The following SLC9B2 variants were observed in gnomAD, a reference collection of about 807,000 sequenced individuals.
SLC9B2 encodes the protein solute carrier family 9 member B2.
Under a neutral mutation model 52.2 loss-of-function variants are expected in SLC9B2, and 39 were observed. That is an observed-to-expected ratio of 0.75 (90% CI 0.58 to 0.98). The LOEUF is 0.98. Ranked by LOEUF, SLC9B2 falls within the 50% of genes least tolerant of loss-of-function variation. The pLI is 0.00. For synonymous variants in SLC9B2, 214 were observed against 227.0 expected (o/e 0.94, Z 0.51); for missense variants, 626 against 637.5 (o/e 0.98, Z 0.19).
rs1746270997 is a variant in SLC9B2, at chr4:103,067,700, AT to A, written c.-42-109del. ...CCTAAAAATTCCGAATGGCTAAACT[AT>A]TTGAAATTAGACTATTCTTAATTTT... On this transcript the variant is annotated intron_variant, in intron 1 of 11. Coordinates refer to ENST00000394785, the MANE Select transcript of SLC9B2 (RefSeq NM_178833.7). 4 of 642,804 alleles carry A rather than the reference AT, an allele frequency of 6.2e-6. No individual in the cohort carries two copies. In the South Asian group the frequency reaches 7.2e-5, roughly 12 times the overall value. The allele number at this position is 642,804 out of a possible 1,614,324, so 39.8% of individuals were successfully genotyped here.
downstream of SLC9B2, chr4:103,020,041 C>A: frequency 1.9e-6 from 1 of 517,752 alleles, no homozygotes; most frequent in Non-Finnish European, 2.5e-6. Context: ...ACGGTCTCTC[C>A]CCAAGACGGC....
intron 1 of SLC9B2, among the ~76,000 whole-genome samples, chr4:103,070,437 T>C (rs561311457): frequency 1.3e-5 from 2 of 152,220 alleles, no homozygotes; most frequent in South Asian, 2.1e-4. Flanking sequence ...CTTATTTTGT[T>C]TTGTTTGTTT....
rs765036978 is a variant in SLC9B2, at chr4:103,026,368, C to T, written c.*2G>A. On this transcript the variant is annotated 3_prime_UTR_variant, in exon 12 of 12. Transcript: ENST00000394785. ...TATGTTCAGCACTCTCTCTTTTCAC[C>T]TCTAAACTTGCACAGAAGTCTCTCC... 1.2e-6 allele frequency: 2 copies of T among 1,606,378 alleles called. No homozygotes were observed. The highest frequency in any genetic ancestry group is 1.7e-6 in the Non-Finnish European group (2 of 1,175,748).
intron 1 of SLC9B2, among the ~76,000 whole-genome samples, chr4:103,071,776 G>T (rs1746659987): frequency 6.6e-6 from 1 of 152,086 alleles, no homozygotes; most frequent in Non-Finnish European, 1.5e-5. Flanking sequence ...CTCCTAAAGT[G>T]CTGGGATTAG....
chr4:103,043,413 C>T lies in SLC9B2; in HGVS notation c.1029G>A (p.Val343=), dbSNP rs761753771. The change falls in exon 9 of 12, where the codon GTG becomes GTA. Residue 343 remains valine (V), a synonymous_variant. Transcript: ENST00000394785. ...ACACAGCTAGCACAGACAACCCCAA[C>T]ACAAGGAATGTTCTCTTACACACAA... ...DKLVCKRTFL[V]LGLSVLAVFS... 3.7e-6 allele frequency: 6 copies of T among 1,612,076 alleles called. No homozygotes were observed. The highest frequency in any genetic ancestry group is 1.1e-5 in the South Asian group (1 of 90,634).
chr4:103,069,058 A>G (rs1484063036), intron 1 of SLC9B2, among the ~76,000 whole-genome samples: 1 of 152,212 alleles, frequency 6.6e-6, no homozygotes, highest in African/African-American at 2.4e-5. Context: ...AATTTGTAAT[A>G]AATGTTTATA....
chr4:103,051,064 C>G (rs1744634173), intron 4 of SLC9B2, among the ~76,000 whole-genome samples: 1 of 151,884 alleles, frequency 6.6e-6, no homozygotes, highest in South Asian at 2.1e-4. Context: ...GGGGATGTTA[C>G]ATGAGCTGAG....
At chr4:103,066,822 T>C (rs987449174) in intron 2 of SLC9B2, among the ~76,000 whole-genome samples, 1 of 152,146 alleles carries the variant, frequency 6.6e-6, no homozygotes, top group Non-Finnish European at 1.5e-5. Context: ...ACACCTAAAG[T>C]CACATGACAG....
chr4:103,052,036 T>A (rs1402096757), intron 4 of SLC9B2, among the ~76,000 whole-genome samples: 1 of 152,236 alleles, frequency 6.6e-6, no homozygotes, highest in Admixed American at 6.5e-5. Flanking sequence ...AGTATTTAAG[T>A]GCCTGCTACA....
chr4:103,062,380 T>C (rs936427096), intron 3 of SLC9B2, among the ~76,000 whole-genome samples: 4 of 151,204 alleles, frequency 2.6e-5, no homozygotes, highest in African/African-American at 7.3e-5. Context: ...GATCGAGCCA[T>C]TGCACTCCAG....
rs567359997 is a variant in SLC9B2, at chr4:103,023,985, C to T, written c.*2385G>A. On this transcript the variant is annotated 3_prime_UTR_variant, in exon 12 of 12. Coordinates refer to ENST00000394785, the MANE Select transcript of SLC9B2 (RefSeq NM_178833.7). ...TTTGGTCTTACATCCCTTTTGCTGGCTAAGTCCTAATCTTCCCTCAGCCAA... is the reference window on the plus strand; with the variant it reads ...TTTGGTCTTACATCCCTTTTGCTGGTTAAGTCCTAATCTTCCCTCAGCCAA... 2.6e-5 allele frequency among the ~76,000 whole-genome samples: 4 copies of T among 152,288 alleles called. No individual in the cohort carries two copies. The East Asian group carries it at 7.7e-4, about 29-fold the overall frequency.
chr4:103,058,446 GGAGTGC>G (rs908953989), intron 3 of SLC9B2, among the ~76,000 whole-genome samples: 6 of 152,170 alleles, frequency 3.9e-5, no homozygotes, highest in Admixed American at 2.6e-4. Flanking sequence ...AGCCCAGGCT[GGAGTGC>G]AGTAGCACAA....
chr4:103,026,721 A>C (rs1742251523), intron 11 of SLC9B2, 130 bp from the exon 12 acceptor site: 1 of 743,622 alleles, frequency 1.3e-6, no homozygotes, highest in Non-Finnish European at 2.1e-6. Flanking sequence ...AAGCATCAGG[A>C]GATATACCTA....
At chr4:103,035,488 G>A (rs1408816537) in intron 9 of SLC9B2, among the ~76,000 whole-genome samples, 1 of 151,820 alleles carries the variant, frequency 6.6e-6, no homozygotes, top group Non-Finnish European at 1.5e-5. Flanking sequence ...TATTCCTTTG[G>A]GTATATACCC....
chr4:103,019,793 C>CGA (rs1741663209), downstream of SLC9B2: 2 of 985,446 alleles, frequency 2.0e-6, no homozygotes, highest in South Asian at 9.4e-5. Context: ...CCGGCAGAGG[C>CGA]GAGGGTTCTG....
chr4:103,021,887 T>G (rs1249430409), downstream of SLC9B2, among the ~76,000 whole-genome samples: 3 of 152,192 alleles, frequency 2.0e-5, no homozygotes, highest in Non-Finnish European at 4.4e-5. Context: ...TTCACCTTAC[T>G]CCCTAATATT....
Position 103,050,278 on chromosome 4 carries a change from T to C in SLC9B2, c.547A>G (p.Ile183Val), listed in dbSNP as rs904575017. Residue 183 changes from isoleucine (I) to valine (V), a missense_variant, in exon 5 of 12, where the codon ATC (isoleucine) becomes GTC (valine). Physicochemically the swap from Ile to Val is conservative, Grantham distance 29. Coordinates refer to ENST00000394785, the MANE Select transcript of SLC9B2 (RefSeq NM_178833.7). ...CCAAGGCCAGCACGAACCAGAATGATAGACAGGGCTATGCTTCTCAAAGAG... is the reference window on the plus strand; with the variant it reads ...CCAAGGCCAGCACGAACCAGAATGACAGACAGGGCTATGCTTCTCAAAGAG... ...SSSLRSIALS[I>V]ILVRAGLGLD... 38 of 1,606,110 alleles carry C rather than the reference T, an allele frequency of 2.4e-5. No homozygotes were observed. Among genetic ancestry groups the C allele is most frequent in the Middle Eastern group, 1.6e-4 (1 of 6,064 alleles).
Position 103,028,730 on chromosome 4 carries a change from C to A in SLC9B2, c.1392+17G>T, listed in dbSNP as rs760064838. 2 of 1,590,776 alleles carry A rather than the reference C, an allele frequency of 1.3e-6. No homozygotes were observed. Among genetic ancestry groups the A allele is most frequent in the Non-Finnish European group, 1.7e-6 (2 of 1,172,534 alleles). ...AGAAATAGCAGTTAAAATGCTAAGCCATCCTATCCATCATACCTGAACTGT... is the reference window on the plus strand; with the variant it reads ...AGAAATAGCAGTTAAAATGCTAAGCAATCCTATCCATCATACCTGAACTGT... On this transcript the variant is annotated intron_variant, in intron 11 of 11. Transcript: ENST00000394785.
intron 6 of SLC9B2, among the ~76,000 whole-genome samples, chr4:103,048,334 G>A (rs889992684): frequency 3.9e-5 from 6 of 152,114 alleles, no homozygotes; most frequent in Non-Finnish European, 5.9e-5. Context: ...ATCACACACC[G>A]GAAAAATCAC....
Sources: gnomAD v4.1 joint callset for allele counts (sites outside exome capture counted in the v4.1 genomes callset) on GRCh38, gnomAD v4.1.1 for gene constraint, MANE v1.5 for transcripts, NCBI Gene and HGNC (gene_info 2026-07-23, HGNC 2026-07-21) for gene names.